ERC1: variants seen among roughly 807,000 people sequenced by gnomAD.
ERC1 encodes RAB6 interacting protein 2.
In ERC1, 56 loss-of-function variants were observed where a neutral mutation model predicts 132.0. The ratio of observed to expected loss-of-function variants is 0.42; its 90% CI spans 0.34 to 0.53. ERC1 has a LOEUF of 0.53. Among genes scored for constraint, ERC1 ranks in the 20% least tolerant of loss-of-function variants. ERC1 has a pLI of 0.03. For synonymous variants in ERC1, 478 were observed against 476.1 expected (o/e 1.00, Z -0.05); for missense variants, 1,202 against 1,349.9 (o/e 0.89, Z 1.72).
chr12:1,119,290 T>C (rs563810601), intron 7 of ERC1, among the ~76,000 whole-genome samples: 1 of 152,038 alleles, frequency 6.6e-6, no homozygotes, highest in Non-Finnish European at 1.5e-5. Flanking sequence ...CTATTCAGGG[T>C]ACATGGACTA....
At chr12:1,127,024 C>G (rs1256138918) in intron 7 of ERC1, among the ~76,000 whole-genome samples, 1 of 123,476 alleles carries the variant, frequency 8.1e-6, no homozygotes, top group African/African-American at 3.3e-5. Context: ...CCTCAAAAAT[C>G]AATAGAGACT....
chr12:1,011,604 A>G (rs774835911), intron 1 of ERC1, among the ~76,000 whole-genome samples: 6 of 152,208 alleles, frequency 3.9e-5, no homozygotes, highest in Non-Finnish European at 8.8e-5. Context: ...GGCTGTGCTT[A>G]TATTTGCAAA....
intron 18 of ERC1, among the ~76,000 whole-genome samples, chr12:1,484,701 C>G (rs767822390): frequency 6.6e-6 from 1 of 151,774 alleles, no homozygotes; most frequent in Non-Finnish European, 1.5e-5. Flanking sequence ...CCTCAGCCTC[C>G]TGAGTAGCTG....
intron 1 of ERC1, among the ~76,000 whole-genome samples, chr12:996,144 A>C (rs1051743007): frequency 2.0e-5 from 3 of 147,018 alleles, no homozygotes; most frequent in African/African-American, 7.6e-5. Context: ...GCTGGAGTGC[A>C]GTGGCGCAAT....
At chr12:1,114,240 C>T (rs1946204361) in intron 6 of ERC1, among the ~76,000 whole-genome samples, 1 of 152,106 alleles carries the variant, frequency 6.6e-6, no homozygotes, top group Non-Finnish European at 1.5e-5. Context: ...CCAGGATGGT[C>T]TTGATCTCCT....
intron 15 of ERC1, among the ~76,000 whole-genome samples, chr12:1,309,578 TAAGAA>T (rs991000620): frequency 2.1e-4 from 32 of 152,270 alleles, no homozygotes; most frequent in African/African-American, 7.5e-4. Context: ...CTGACCCCAA[TAAGAA>T]AAGTATTCTG....
chr12:1,105,458 C>T (rs879489281), intron 4 of ERC1, among the ~76,000 whole-genome samples: 59 of 152,160 alleles, frequency 3.9e-4, no homozygotes, highest in African/African-American at 1.1e-3. Context: ...CCCGGGTTCA[C>T]GCCATTCTCC....
chr12:1,130,448 C>T (rs1045284026), intron 7 of ERC1, among the ~76,000 whole-genome samples: 5 of 152,160 alleles, frequency 3.3e-5, no homozygotes, highest in Non-Finnish European at 7.3e-5. Flanking sequence ...TGGCTGACTG[C>T]CATGCTTTAT....
chr12:1,153,827 T>C (rs1259007998), intron 8 of ERC1, among the ~76,000 whole-genome samples: 1 of 152,222 alleles, frequency 6.6e-6, no homozygotes, highest in Non-Finnish European at 1.5e-5. Context: ...GCCCCAGCCC[T>C]GCGCCTTCCC....
At chr12:1,174,946 C>A (rs1953523881) in intron 8 of ERC1, among the ~76,000 whole-genome samples, 1 of 152,122 alleles carries the variant, frequency 6.6e-6, no homozygotes, top group African/African-American at 2.4e-5. Flanking sequence ...AGTTCCAGAC[C>A]ACCACAGTAA....
In ERC1 at chr12:1,110,329, T is replaced by G. The variant is rs1203657249; in HGVS notation, c.1299T>G (p.Ser433=). The stretch of plus-strand genomic sequence containing the variant: ...AAATGGAAGTGTATCGGAGCCATTC[T>G]AAATTTATGAAAAATAAGGTAATGG... ...MKQMEVYRSH[S]KFMKNKVEQL... is the part of the protein sequence containing the mutation. Residue 433 remains serine (S), a synonymous_variant, in exon 5 of 19, where the codon TCT becomes TCG. Transcript: ENST00000360905. 1 of 1,605,834 alleles carries G rather than the reference T, an allele frequency of 6.2e-7. No homozygotes were observed. Among genetic ancestry groups the G allele is most frequent in the African/African-American group, 1.3e-5 (1 of 74,538 alleles).
chr12:1,483,632 A>T (rs2094133808), intron 18 of ERC1, among the ~76,000 whole-genome samples: 1 of 149,656 alleles, frequency 6.7e-6, no homozygotes, highest in Non-Finnish European at 1.5e-5. Context: ...TATGTAAAGT[A>T]AAAGTAAAAT....
chr12:1,026,482 G>C (rs906196753), intron 1 of ERC1, among the ~76,000 whole-genome samples: 1 of 152,122 alleles, frequency 6.6e-6, no homozygotes, highest in Non-Finnish European at 1.5e-5. Context: ...TACAGTTTTC[G>C]TTATTATAGT....
At chr12:1,122,499 ATCTCTATCTCTATCTGTG>A (rs1471366055) in intron 7 of ERC1, among the ~76,000 whole-genome samples, 1 of 80,430 alleles carries the variant, frequency 1.2e-5, no homozygotes. Flanking sequence ...CTCTATCTCT[ATCTCTATCTCTATCTGTG>A]TCTCTATCTC....
intron 15 of ERC1, among the ~76,000 whole-genome samples, chr12:1,327,392 T>C (rs1361610901): frequency 1.3e-5 from 2 of 152,158 alleles, no homozygotes; most frequent in Admixed American, 6.5e-5. Context: ...GATTTAGAGG[T>C]CTTTTATTCC....
At chr12:1,376,710 G>A (rs2087964416) in intron 16 of ERC1, among the ~76,000 whole-genome samples, 1 of 152,236 alleles carries the variant, frequency 6.6e-6, no homozygotes, top group African/African-American at 2.4e-5. Flanking sequence ...CCAGATGGTT[G>A]GTAATCAGAT....
intron 16 of ERC1, among the ~76,000 whole-genome samples, chr12:1,372,725 C>T (rs995915888): frequency 1.3e-5 from 2 of 152,232 alleles, no homozygotes; most frequent in Admixed American, 1.3e-4. Flanking sequence ...GCGTCCCAGC[C>T]TCCGTGGCTG....
Position 1,110,351 on chromosome 12 carries a change from A to T in ERC1, c.1317+4A>T. On this transcript the variant is annotated splice_donor_region_variant and intron_variant, in intron 5 of 18. Coordinates refer to ENST00000360905, the MANE Select transcript of ERC1 (RefSeq NM_178040.4). Reference sequence around the variant, plus strand: ...TTCTAAATTTATGAAAAATAAGGTAATGGCATGTGAGACTTTTGATTCTTA... The same window carrying T: ...TTCTAAATTTATGAAAAATAAGGTATTGGCATGTGAGACTTTTGATTCTTA... The T allele has an allele frequency of 6.3e-7, 1 of 1,590,316 alleles. No individual in the cohort carries two copies. The highest frequency in any genetic ancestry group is 8.5e-7 in the Non-Finnish European group (1 of 1,171,146).
Position 1,246,148 on chromosome 12 carries a change from T to A in ERC1, c.2487+9244T>A, listed in dbSNP as rs555515038. ...TGACCCAGCTATCCCATGTCGTAGA[T>A]TTATATGCATATACATGTCCAAAAA... On this transcript the variant is annotated intron_variant, in intron 13 of 18. Coordinates refer to ENST00000360905, the MANE Select transcript of ERC1 (RefSeq NM_178040.4). Among the ~76,000 whole-genome samples, 7 of 152,310 alleles carry A rather than the reference T, an allele frequency of 4.6e-5. No individual in the cohort carries two copies. In the South Asian group the frequency reaches 1.0e-3, roughly 23 times the overall value.
Sources: allele counts gnomAD v4.1 joint callset (sites outside exome capture counted in the v4.1 genomes callset), GRCh38; gene constraint gnomAD v4.1.1; transcripts MANE v1.5; gene names NCBI Gene and HGNC (gene_info 2026-07-23, HGNC 2026-07-21).